The following ABCA12 variants were observed in gnomAD, a reference collection of about 807,000 sequenced individuals.
The protein encoded by ABCA12 is ATP binding cassette subfamily A member 12, also known as glucosylceramide transporter ABCA12.
In ABCA12, 156 loss-of-function variants were observed where a neutral mutation model predicts 293.5. The ratio of observed to expected loss-of-function variants is 0.53; its 90% CI spans 0.47 to 0.61. ABCA12 has a LOEUF of 0.61. Among genes scored for constraint, ABCA12 ranks in the 20% least tolerant of loss-of-function variants. The pLI, the probability that ABCA12 is intolerant of heterozygous loss-of-function variation, is 0.00. For missense variants in ABCA12, 2,797 were observed against 3,090.2 expected (o/e 0.91, Z 2.25); for synonymous variants, 1,063 against 1,108.0 (o/e 0.96, Z 0.81).
chr2:215,107,344 T>C (rs1398217508), intron 2 of ABCA12, among the ~76,000 whole-genome samples: 3 of 152,240 alleles, frequency 2.0e-5, no homozygotes, highest in Non-Finnish European at 1.5e-5. Context: ...CAGTGTTTTT[T>C]GGCTTTAACA....
Position 215,106,525 on chromosome 2 carries a change from A to G in ABCA12, c.163+5072T>C, listed in dbSNP as rs148593128. ...ATCCAGGCTCCAGCACATAATAACCATGTGAACCTTGGTAAATTACTTAAC... is the reference window on the plus strand; with the variant it reads ...ATCCAGGCTCCAGCACATAATAACCGTGTGAACCTTGGTAAATTACTTAAC... On this transcript the variant is annotated intron_variant, in intron 2 of 52. Transcript: ENST00000272895. Among the ~76,000 whole-genome samples, 453 of 152,320 alleles carry G rather than the reference A, an allele frequency of 3.0e-3. 2 individuals are homozygous for G. Among genetic ancestry groups the G allele is most frequent in the African/African-American group, 0.01 (416 of 41,572 alleles).
At chr2:214,942,891 A>G in intron 50 of ABCA12, 34 bp downstream of exon 50, 1 of 1,553,500 alleles carries the variant, frequency 6.4e-7, no homozygotes, top group Non-Finnish European at 8.9e-7. Context: ...AGATGACCCA[A>G]CACTATCTGT....
At chr2:215,132,169 T>C (rs550979311) in intron 1 of ABCA12, among the ~76,000 whole-genome samples, 7 of 152,200 alleles carry the variant, frequency 4.6e-5, no homozygotes, top group African/African-American at 1.7e-4. Flanking sequence ...ACAGTTAATT[T>C]TGGAGACTGT....
intron 2 of ABCA12, chr2:215,075,529 G>A: frequency 1.4e-6 from 1 of 695,114 alleles, no homozygotes; most frequent in Non-Finnish European, 2.6e-6. Context: ...TCATAACCCT[G>A]TATCTTGAGT....
chr2:214,936,147 G>C (rs1469959294), intron 51 of ABCA12, among the ~76,000 whole-genome samples: 1 of 152,142 alleles, frequency 6.6e-6, no homozygotes, highest in Non-Finnish European at 1.5e-5. Context: ...CAATTTATAA[G>C]CTTTAAATTG....
Position 214,978,415 on chromosome 2 carries a change from C to T in ABCA12, c.5029G>A (p.Glu1677Lys). The change falls in exon 33 of 53, where the codon GAG becomes AAG. Residue 1677 changes from glutamate (E) to lysine (K), a missense_variant. By Grantham distance (56) the Glu-to-Lys change is moderately conservative (BLOSUM62 1). Around this residue, in one of 3 missense-constraint regions of ABCA12, gnomAD observed 2,130 missense variants for 2,427.0 expected, o/e 0.88. Coordinates refer to ENST00000272895, the MANE Select transcript of ABCA12 (RefSeq NM_173076.3). Reference protein sequence around the residue: ...ESQKNSAMSLEHLTQKKIGNS... With the variant: ...ESQKNSAMSLKHLTQKKIGNS... ...CCAATTTTCTTTTGTGTTAAGTGCT[C>T]AAGACTCATAGCACTATTTTTTTGT... The T allele has an allele frequency of 6.2e-7, 1 of 1,613,778 alleles. No individual in the cohort carries two copies. Among genetic ancestry groups the T allele is most frequent in the Non-Finnish European group, 8.5e-7 (1 of 1,179,828 alleles).
chr2:215,100,430 G>A (rs915283975), intron 2 of ABCA12, among the ~76,000 whole-genome samples: 2 of 151,720 alleles, frequency 1.3e-5, no homozygotes, highest in Admixed American at 6.6e-5. Context: ...ACCCTAATTC[G>A]CAGCCATCTT....
At chr2:215,120,568 C>A (rs1702785972) in intron 1 of ABCA12, among the ~76,000 whole-genome samples, 1 of 152,008 alleles carries the variant, frequency 6.6e-6, no homozygotes, top group African/African-American at 2.4e-5. Context: ...GTCTGTAGAG[C>A]AGAAGCAGCA....
At chr2:214,991,061 T>A (rs772210320) in intron 23 of ABCA12, 30 bp from the exon 24 acceptor site, 1 of 1,579,336 alleles carries the variant, frequency 6.3e-7, no homozygotes, top group South Asian at 1.1e-5. Context: ...GAGGCGCTTG[T>A]TATGCTGATA....
At chr2:214,943,847 A>G (rs572170234) in intron 49 of ABCA12, among the ~76,000 whole-genome samples, 22 of 152,320 alleles carry the variant, frequency 1.4e-4, no homozygotes, top group African/African-American at 5.1e-4. Flanking sequence ...AAATTAAATG[A>G]TTGGCTCCAT....
chr2:214,987,510 G>T (rs1199360271), intron 27 of ABCA12, 137 bp downstream of exon 27: 3 of 1,124,368 alleles, frequency 2.7e-6, no homozygotes, highest in East Asian at 2.6e-5. Context: ...GTCCAAAGAC[G>T]CATGTGTAGA....
chr2:214,956,834 A>T (rs1698964651), intron 41 of ABCA12, 56 bp from the exon 42 acceptor site: 10 of 1,255,354 alleles, frequency 8.0e-6, no homozygotes, highest in Non-Finnish European at 1.0e-5. Flanking sequence ...TCAAAAAAAA[A>T]AAAATCAATA....
intron 18 of ABCA12, 150 bp downstream of exon 18, chr2:215,010,181 A>G: frequency 9.8e-7 from 1 of 1,019,320 alleles, no homozygotes; most frequent in Admixed American, 2.2e-5. Flanking sequence ...GCAGAAGTTG[A>G]GAATTTTACT....
chr2:215,104,762 C>G lies in ABCA12; in HGVS notation c.163+6835G>C, dbSNP rs577481785. 1.6e-4 allele frequency among the ~76,000 whole-genome samples: 24 copies of G among 152,266 alleles called. No individual in the cohort carries two copies. The South Asian group carries it at 5.0e-3, about 32-fold the overall frequency. On this transcript the variant is annotated intron_variant, in intron 2 of 52. Transcript: ENST00000272895. The stretch of plus-strand genomic sequence containing the variant: ...AGCAAGAAGCAGGCTGTTAATGCTC[C>G]TACACAAAAAATCTCTCCTACATAT...
chr2:215,081,679 C>T (rs1349564841), intron 2 of ABCA12, among the ~76,000 whole-genome samples: 3 of 151,904 alleles, frequency 2.0e-5, no homozygotes, highest in African/African-American at 4.8e-5. Context: ...TAGTACATTA[C>T]CAAACTAACA....
chr2:214,971,079 T>C (rs1699376000), intron 36 of ABCA12, among the ~76,000 whole-genome samples: 1 of 152,154 alleles, frequency 6.6e-6, no homozygotes. Flanking sequence ...TAACCATTTA[T>C]ATTTATGCCT....
rs376079854 is a variant in ABCA12 at position 214,956,790 on chromosome 2, T to A, written c.6118-12A>T. ...ACCAAGTAGAAAACCTATGGAAATA[T>A]TCAAAACAATGTTTAATACGTGACA... On this transcript the variant is annotated splice_polypyrimidine_tract_variant and intron_variant, in intron 41 of 52. Transcript: ENST00000272895. 1 of 1,575,428 alleles carries A rather than the reference T, an allele frequency of 6.3e-7. No individual in the cohort carries two copies. Among genetic ancestry groups the A allele is most frequent in the Non-Finnish European group, 8.7e-7 (1 of 1,145,740 alleles).
At chr2:215,027,968 G>C (rs112620484) in intron 9 of ABCA12, among the ~76,000 whole-genome samples, 1 of 152,216 alleles carries the variant, frequency 6.6e-6, no homozygotes, top group Non-Finnish European at 1.5e-5. Flanking sequence ...GTAAGGCTAT[G>C]TGAATGAGTA....
In ABCA12 at chr2:214,978,356, G is replaced by A. The variant is rs369801502; in HGVS notation, c.5088C>T (p.Asp1696=). 1.2e-5 allele frequency: 19 copies of A among 1,613,856 alleles called. No homozygotes were observed. Among genetic ancestry groups the A allele is most frequent in the African/African-American group, 4.0e-5 (3 of 74,874 alleles). The change falls in exon 33 of 53, where the codon GAC becomes GAT. Residue 1696 remains aspartate, a synonymous_variant. Transcript: ENST00000272895. ...NSNANGISTP[D]DLSVSSSNFT... Reference sequence around the variant, plus strand: ...AATTGCTGCTGCTCACAGATAAATCGTCAGGAGTTGAGATGCCATTGGCAT... The same window carrying A: ...AATTGCTGCTGCTCACAGATAAATCATCAGGAGTTGAGATGCCATTGGCAT...
Sources: allele counts gnomAD v4.1 joint callset (sites outside exome capture counted in the v4.1 genomes callset), GRCh38; gene constraint gnomAD v4.1.1; regional missense constraint gnomAD v4.1.1; transcripts MANE v1.5; gene names NCBI Gene and HGNC (gene_info 2026-07-23, HGNC 2026-07-21).